The following KIF26B variants were observed in gnomAD, a reference collection of about 807,000 sequenced individuals.
KIF26B encodes kinesin family member 26B, also known as kinesin-like protein KIF26B.
In KIF26B, 63 loss-of-function variants were observed where a neutral mutation model predicts 151.2. The ratio of observed to expected loss-of-function variants is 0.42; its 90% CI spans 0.34 to 0.51. The LOEUF (loss-of-function observed/expected upper bound fraction) is 0.51, where lower values mean the gene tolerates loss of function less well. Ranked by LOEUF, KIF26B falls within the 20% of genes least tolerant of loss-of-function variation. The pLI is 0.07. For missense variants in KIF26B, 2,813 were observed against 2,913.6 expected (o/e 0.97, Z 0.79); for synonymous variants, 1,357 against 1,262.1 (o/e 1.08, Z -1.59).
Position 245,167,741 on chromosome 1 carries a change from G to A in KIF26B, c.465+11058G>A, listed in dbSNP as rs1192960183. ...GAGTCTCAGTCCTAAGCAGGTGGCAGAGTGTCTTCCCCATGGTACCATGGC... is the reference window on the plus strand; with the variant it reads ...GAGTCTCAGTCCTAAGCAGGTGGCAAAGTGTCTTCCCCATGGTACCATGGC... On this transcript the variant is annotated intron_variant, in intron 2 of 14. Transcript: ENST00000407071. The surrounding 1 kb of genome is among the most constrained non-coding windows in gnomAD (Gnocchi z 4.2). 5.3e-5 allele frequency among the ~76,000 whole-genome samples: 8 copies of A among 152,170 alleles called. No individual in the cohort carries two copies. The East Asian group carries it at 1.5e-3, about 29-fold the overall frequency.
At chr1:245,328,063 C>A (rs1418193358) in intron 2 of KIF26B, among the ~76,000 whole-genome samples, 3 of 152,004 alleles carry the variant, frequency 2.0e-5, no homozygotes, top group African/African-American at 7.3e-5. Context: ...CCTGTCACGG[C>A]CTGTCAGGAG....
At position 245,170,113 on chromosome 1, in the gene KIF26B, G is replaced by A. The variant is rs745487977; in HGVS notation, c.465+13430G>A. On this transcript the variant is annotated intron_variant, in intron 2 of 14. Transcript: ENST00000407071. The surrounding 1 kb of genome is among the most constrained non-coding windows in gnomAD (Gnocchi z 4.4). ...TGGTGTGAAGGAAGAGGATGATAGA[G>A]GATGGGACGGTGGTGACAAATGGCG... Among the ~76,000 whole-genome samples the A allele has an allele frequency of 6.6e-6, 1 of 152,202 alleles. No individual in the cohort carries two copies. Among genetic ancestry groups the A allele is most frequent in the Non-Finnish European group, 1.5e-5 (1 of 68,030 alleles).
intron 5 of KIF26B, among the ~76,000 whole-genome samples, chr1:245,580,574 G>T (rs1313893445): frequency 3.3e-5 from 5 of 152,182 alleles, no homozygotes; most frequent in African/African-American, 9.7e-5. Flanking sequence ...GGAGCCTCCG[G>T]ACTCGCCTCC....
rs1174334274 is a variant in KIF26B, at chr1:245,495,871, C to T, written c.1167-44896C>T. 6.6e-6 allele frequency among the ~76,000 whole-genome samples: 1 copy of T among 152,186 alleles called. No homozygotes were observed. Among genetic ancestry groups the T allele is most frequent in the African/African-American group, 2.4e-5 (1 of 41,456 alleles). On this transcript the variant is annotated intron_variant, in intron 4 of 14. Transcript: ENST00000407071. This position sits in a 1 kb window ranked among gnomAD's most constrained non-coding sequence, Gnocchi z 4.2. The stretch of plus-strand genomic sequence containing the variant: ...AAGGAGCAACACTAAGACAGTAACT[C>T]ATTTCTCAACAGAAACAATGGATGC...
At chr1:245,697,571 T>A (rs1455454348) in intron 12 of KIF26B, among the ~76,000 whole-genome samples, 1 of 152,098 alleles carries the variant, frequency 6.6e-6, no homozygotes, top group African/African-American at 2.4e-5. Context: ...TAGGAGGCGG[T>A]TCTAAAGATT....
intron 3 of KIF26B, among the ~76,000 whole-genome samples, chr1:245,377,843 G>A (rs908471038): frequency 2.6e-5 from 4 of 152,060 alleles, no homozygotes; most frequent in African/African-American, 9.7e-5. Context: ...AGATGAAAAC[G>A]GGCCAAGTCG....
chr1:245,555,057 C>A (rs1661986705), intron 5 of KIF26B, among the ~76,000 whole-genome samples: 1 of 152,122 alleles, frequency 6.6e-6, no homozygotes, highest in Non-Finnish European at 1.5e-5. Flanking sequence ...CCTGGGCGTT[C>A]TTTGTTTTGC....
intron 2 of KIF26B, among the ~76,000 whole-genome samples, chr1:245,341,450 GC>G (rs1672333231): frequency 6.6e-6 from 1 of 151,548 alleles, no homozygotes; most frequent in Admixed American, 6.6e-5. Context: ...CTCCAGAGTA[GC>G]TGTGGCTACA....
intron 7 of KIF26B, 52 bp downstream of exon 7, chr1:245,607,796 C>A: frequency 1.4e-6 from 2 of 1,397,130 alleles, no homozygotes; most frequent in Non-Finnish European, 1.0e-6. Flanking sequence ...CCTGTCATCC[C>A]ATGCATTCCT....
chr1:245,511,080 C>G (rs1374937328), intron 4 of KIF26B: 1 of 716,970 alleles, frequency 1.4e-6, no homozygotes, highest in East Asian at 2.7e-5. Flanking sequence ...GGATTCTGCA[C>G]TTGATTATTT....
At chr1:245,513,601 G>A (rs563119265) in intron 4 of KIF26B, among the ~76,000 whole-genome samples, 4 of 152,232 alleles carry the variant, frequency 2.6e-5, no homozygotes, top group South Asian at 2.1e-4. Context: ...GAGATCCACC[G>A]CCAGTGTTCT....
At chr1:245,176,907 A>G (rs79483061) in intron 2 of KIF26B, among the ~76,000 whole-genome samples, 14,273 of 152,250 alleles carry the variant, frequency 0.094, 864 homozygotes, top group African/African-American at 0.17. Context: ...TTGCCATAAA[A>G]TCTTTAAGCA....
At chr1:245,700,986 C>T (rs1558281266) in intron 14 of KIF26B, among the ~76,000 whole-genome samples, 1 of 152,212 alleles carries the variant, frequency 6.6e-6, no homozygotes, top group African/African-American at 2.4e-5. Flanking sequence ...TTTTCAAGAA[C>T]TGTTTATGCC....
rs12037184 is a variant in KIF26B at position 245,258,561 on chromosome 1, C to A, written c.465+101878C>A. On this transcript the variant is annotated intron_variant, in intron 2 of 14. Transcript: ENST00000407071. ...ACAAATGGGATCCATAAAATAGAGA[C>A]TAAAATGAAAGTTTGTCTTACTGTG... Among the ~76,000 whole-genome samples, 853 of 152,280 alleles carry A rather than the reference C, an allele frequency of 5.6e-3. 11 individuals are homozygous for A. The East Asian group carries it at 0.071, about 13-fold the overall frequency.
At chr1:245,362,845 A>C (rs1672855718) in intron 2 of KIF26B, among the ~76,000 whole-genome samples, 3 of 152,202 alleles carry the variant, frequency 2.0e-5, no homozygotes, top group African/African-American at 7.2e-5. Context: ...TATTCCTGAA[A>C]GATAAGAGTG....
At chr1:245,634,944 G>A (rs1394897990) in intron 9 of KIF26B, among the ~76,000 whole-genome samples, 1 of 151,810 alleles carries the variant, frequency 6.6e-6, no homozygotes, top group Non-Finnish European at 1.5e-5. Context: ...TTGAACTTCG[G>A]GCCTGAAGCA....
In KIF26B at chr1:245,192,216, A is replaced by G. The variant is rs149108964; in HGVS notation, c.465+35533A>G. On this transcript the variant is annotated intron_variant, in intron 2 of 14. Transcript: ENST00000407071. ...ATCAAATGCTGTGTGGTCTCTTAAA[A>G]TAACATTTGTAAAATGTTTCCCATG... 2.7e-3 allele frequency among the ~76,000 whole-genome samples: 418 copies of G among 152,144 alleles called. 2 individuals are homozygous for G. Among genetic ancestry groups the G allele is most frequent in the African/African-American group, 9.5e-3 (397 of 41,582 alleles).
intron 2 of KIF26B, among the ~76,000 whole-genome samples, chr1:245,195,638 C>A (rs1034221325): frequency 6.6e-6 from 1 of 152,148 alleles, no homozygotes; most frequent in Non-Finnish European, 1.5e-5. Flanking sequence ...GCTTCAGGGC[C>A]GGGGGAAGGA....
intron 2 of KIF26B, among the ~76,000 whole-genome samples, chr1:245,264,998 G>A (rs183551290): frequency 2.0e-3 from 301 of 150,764 alleles, no homozygotes; most frequent in African/African-American, 6.9e-3. Flanking sequence ...AGGAGATCGA[G>A]ACCATCCTGG....
Sources: allele counts gnomAD v4.1 joint callset (sites outside exome capture counted in the v4.1 genomes callset), GRCh38; gene constraint gnomAD v4.1.1; non-coding constraint Gnocchi (gnomAD v3.1); transcripts MANE v1.5; gene names NCBI Gene and HGNC (gene_info 2026-07-23, HGNC 2026-07-21).